Variants in NIPSNAP2 observed in about 807,000 individuals in gnomAD.
NIPSNAP2 encodes the protein nipsnap homolog 2.
A neutral mutation model predicts 48.4 loss-of-function variants in NIPSNAP2; 42 were observed. The ratio of observed to expected loss-of-function variants is 0.87; its 90% CI spans 0.68 to 1.12. NIPSNAP2 has a LOEUF of 1.12. NIPSNAP2 is among the 50% of genes most tolerant of loss of function. The probability of loss-of-function intolerance (pLI) is 0.00; values close to 1 mark genes in which losing one functional copy is unlikely to be tolerated. For missense variants in NIPSNAP2, 314 were observed against 347.3 expected (o/e 0.90, Z 0.76); for synonymous variants, 158 against 126.6 (o/e 1.25, Z -1.67).
chr7:55,984,796 ATT>A (rs533463378), intron 6 of NIPSNAP2, 49 bp from the exon 7 acceptor site: 17 of 1,351,988 alleles, frequency 1.3e-5, no homozygotes, highest in Admixed American at 6.0e-5. Context: ...CTATTTCTGT[ATT>A]TTTTTTTTCA....
At chr7:55,986,809 T>G (rs937044057) in intron 7 of NIPSNAP2, among the ~76,000 whole-genome samples, 2 of 151,814 alleles carry the variant, frequency 1.3e-5, no homozygotes, top group African/African-American at 4.8e-5. Flanking sequence ...TACAACTCAA[T>G]AATAAGAATA....
chr7:55,984,550 C>G (rs187080415), intron 6 of NIPSNAP2, among the ~76,000 whole-genome samples: 367 of 152,004 alleles, frequency 2.4e-3, no homozygotes, highest in Admixed American at 6.6e-3. Flanking sequence ...AACCCCATCT[C>G]TTACTAAAAA....
chr7:55,972,362 A>G, intron 1 of NIPSNAP2, among the ~76,000 whole-genome samples: 1 of 151,700 alleles, frequency 6.6e-6, no homozygotes. Context: ...AAATCTTAAA[A>G]CTTTCTACTT....
intron 7 of NIPSNAP2, among the ~76,000 whole-genome samples, chr7:55,992,717 A>C (rs1787476972): frequency 6.6e-6 from 1 of 152,144 alleles, no homozygotes; most frequent in African/African-American, 2.4e-5. Context: ...ATTAGAGTGA[A>C]TCTGTCTTCC....
At chr7:55,994,713 A>G (rs1787521721) in intron 7 of NIPSNAP2, among the ~76,000 whole-genome samples, 181 bp from the exon 8 acceptor site, 1 of 152,012 alleles carries the variant, frequency 6.6e-6, no homozygotes, top group Admixed American at 6.6e-5. Context: ...ACTCCGTCTC[A>G]AATAATAATA....
At chr7:55,979,908 G>A (rs1787177566) in intron 3 of NIPSNAP2, 1 of 454,900 alleles carries the variant, frequency 2.2e-6, no homozygotes. Context: ...GCTCCTAAGA[G>A]CAGGTTTGGG....
intron 1 of NIPSNAP2, among the ~76,000 whole-genome samples, chr7:55,976,049 TG>T (rs1787101609): frequency 1.2e-5 from 1 of 86,830 alleles, no homozygotes. Context: ...AGTGTGTGTG[TG>T]TGTGTGTGTG....
intron 3 of NIPSNAP2, chr7:55,980,317 C>T (rs1286168365): frequency 1.3e-5 from 2 of 155,940 alleles, no homozygotes; most frequent in Non-Finnish European, 2.9e-5. Context: ...TAGACTTAGA[C>T]CGTTTTGGAA....
intron 5 of NIPSNAP2, among the ~76,000 whole-genome samples, chr7:55,983,120 C>T (rs1339847134): frequency 6.6e-6 from 1 of 151,780 alleles, no homozygotes; most frequent in African/African-American, 2.4e-5. Context: ...GAGACTCTGC[C>T]TCAAAAAAAC....
chr7:55,995,141 G>A (rs1787533366), intron 8 of NIPSNAP2, among the ~76,000 whole-genome samples, 153 bp downstream of exon 8: 1 of 152,180 alleles, frequency 6.6e-6, no homozygotes, highest in African/African-American at 2.4e-5. Context: ...TCTGGAACTA[G>A]CGAGGTCAAC....
chr7:55,990,231 C>CTT (rs568097360), intron 7 of NIPSNAP2, among the ~76,000 whole-genome samples: 4,907 of 136,506 alleles, frequency 0.036, 114 homozygotes, highest in African/African-American at 0.051. Context: ...TGTTTCTTTT[C>CTT]TTTTTTTTTT....
intron 9 of NIPSNAP2, among the ~76,000 whole-genome samples, chr7:55,998,732 C>G (rs1787620380): frequency 6.6e-6 from 1 of 152,032 alleles, no homozygotes; most frequent in Non-Finnish European, 1.5e-5. Context: ...ATTTCCTGAC[C>G]TCGTGATCCA....
intron 1 of NIPSNAP2, among the ~76,000 whole-genome samples, chr7:55,971,739 G>A (rs980855406): frequency 6.6e-6 from 1 of 151,952 alleles, no homozygotes; most frequent in African/African-American, 2.4e-5. Context: ...TTATTTCAAA[G>A]GCATCCTTTA....
chr7:55,994,310 A>G (rs1787510924), intron 7 of NIPSNAP2, among the ~76,000 whole-genome samples: 1 of 152,208 alleles, frequency 6.6e-6, no homozygotes, highest in Non-Finnish European at 1.5e-5. Flanking sequence ...CAGTGCAACT[A>G]TATATACATC....
intron 1 of NIPSNAP2, among the ~76,000 whole-genome samples, chr7:55,969,525 C>T (rs1387165245): frequency 6.6e-6 from 1 of 152,198 alleles, no homozygotes; most frequent in African/African-American, 2.4e-5. Context: ...CATGCCACAA[C>T]AGCTACCTAC....
chr7:55,981,789 C>T, intron 4 of NIPSNAP2: 1 of 465,850 alleles, frequency 2.1e-6, no homozygotes, highest in Non-Finnish European at 3.8e-6. Flanking sequence ...AACTCATAGG[C>T]CAAAACATGG....
At chr7:55,969,341 C>T (rs2116328607) in intron 1 of NIPSNAP2, among the ~76,000 whole-genome samples, 1 of 151,536 alleles carries the variant, frequency 6.6e-6, no homozygotes, top group South Asian at 2.1e-4. Flanking sequence ...CTTCTCTCCC[C>T]CGGGTCTGTG....
At position 55,978,154 on chromosome 7, in the gene NIPSNAP2, C is replaced by T. The variant is rs752483651; in HGVS notation, c.121C>T (p.Arg41Ter). ...ATGGACATCTTCCAGCAACAGATCT[C>T]GAGAAGACAGCTGGCTAAAATCCTT... Reference protein sequence around the residue: ...RTWTSSSNRSREDSWLKSLFV... With the variant: ...RTWTSSSNRS Residue 41 changes from arginine (R) to a stop codon, truncating the protein, a stop_gained, in exon 2 of 10, where the codon CGA (arginine) becomes TGA (stop). Transcript: ENST00000322090. LOFTEE classifies it high-confidence loss of function. The T allele has an allele frequency of 7.4e-6, 12 of 1,613,974 alleles. No homozygotes were observed. Among genetic ancestry groups the T allele is most frequent in the African/African-American group, 2.7e-5 (2 of 74,914 alleles).
chr7:55,996,791 G>A (rs1787571466), intron 8 of NIPSNAP2, among the ~76,000 whole-genome samples: 1 of 152,146 alleles, frequency 6.6e-6, no homozygotes, highest in African/African-American at 2.4e-5. Flanking sequence ...AGTTTTGGAG[G>A]CTGAGTCGGG....
Sources: gnomAD v4.1 joint callset for allele counts (sites outside exome capture counted in the v4.1 genomes callset) on GRCh38, gnomAD v4.1.1 for gene constraint, MANE v1.5 for transcripts, NCBI Gene and HGNC (gene_info 2026-07-23, HGNC 2026-07-21) for gene names.